The following NEMP1 variants were observed in gnomAD, a reference collection of about 807,000 sequenced individuals.
NEMP1 encodes the protein nuclear envelope integral membrane protein 1.
Under a neutral mutation model 53.7 loss-of-function variants are expected in NEMP1, and 29 were observed. The ratio of observed to expected loss-of-function variants is 0.54; its 90% CI spans 0.40 to 0.74. The LOEUF is 0.74. Ranked by LOEUF, NEMP1 falls within the 30% of genes least tolerant of loss-of-function variation. The probability of loss-of-function intolerance (pLI) is 0.00; values close to 1 mark genes in which losing one functional copy is unlikely to be tolerated. For missense variants in NEMP1, 477 were observed against 528.6 expected (o/e 0.90, Z 0.96); for synonymous variants, 193 against 192.9 (o/e 1.00, Z 0.00).
At chr12:57,081,767 C>T (rs1384390196), upstream of NEMP1, among the ~76,000 whole-genome samples, 6 of 147,838 alleles carry the variant, frequency 4.1e-5, no homozygotes, top group South Asian at 4.3e-4. Flanking sequence ...ATTAGTCGGG[C>T]GTGGTGGCAG....
upstream of NEMP1, among the ~76,000 whole-genome samples, chr12:57,082,031 C>A (rs1358269648): frequency 6.7e-5 from 10 of 149,970 alleles, no homozygotes; most frequent in South Asian, 2.1e-4. Context: ...AGCCTGGCCA[C>A]CATAGTGAAA....
chr12:57,075,960 C>T (rs1438332171), intron 1 of NEMP1, among the ~76,000 whole-genome samples: 3 of 151,940 alleles, frequency 2.0e-5, no homozygotes, highest in African/African-American at 7.3e-5. Context: ...AAAAATTACC[C>T]GGGCATGGTG....
At chr12:57,079,695 T>C (rs1342059030), upstream of NEMP1, among the ~76,000 whole-genome samples, 2 of 152,164 alleles carry the variant, frequency 1.3e-5, no homozygotes, top group Admixed American at 6.5e-5. Flanking sequence ...CTACAGATGA[T>C]AGAGCCAAAT....
intron 1 of NEMP1, among the ~76,000 whole-genome samples, chr12:57,073,561 T>C (rs1047697526): frequency 6.6e-6 from 1 of 152,036 alleles, no homozygotes; most frequent in Non-Finnish European, 1.5e-5. Flanking sequence ...GGAGAATCAC[T>C]TGAACTTGGG....
chr12:57,069,270 C>T lies in NEMP1; in HGVS notation c.509G>A (p.Gly170Glu). ...DPKLFLVFLL[G>E]LMLFFCGDLL... ...GTCTCCACAAAAAAATAGCATAAGT[C>T]CAAGAAGGAAAACAAGAAAGAGTTT... The change falls in exon 4 of 9, where the codon GGA (glycine) becomes GAA (glutamate). Residue 170 changes from glycine (G) to glutamate (E), a missense_variant. Transcript: ENST00000300128. 6.5e-7 allele frequency: 1 copy of T among 1,546,340 alleles called. No individual in the cohort carries two copies. The highest frequency in any genetic ancestry group is 8.7e-7 in the Non-Finnish European group (1 of 1,145,694).
At chr12:57,063,039 T>A in intron 7 of NEMP1, 80 bp downstream of exon 7, 1 of 1,115,724 alleles carries the variant, frequency 9.0e-7, no homozygotes, top group South Asian at 1.4e-5. Context: ...AGCTCCCAGG[T>A]CAACACCTCT....
chr12:57,081,470 C>T (rs769221536), upstream of NEMP1, among the ~76,000 whole-genome samples: 1 of 151,882 alleles, frequency 6.6e-6, no homozygotes, highest in African/African-American at 2.4e-5. Flanking sequence ...CTTGAACTCC[C>T]GACCTCAGGT....
At chr12:57,063,046 C>T in intron 7 of NEMP1, 73 bp downstream of exon 7, 1 of 1,216,912 alleles carries the variant, frequency 8.2e-7, no homozygotes, top group South Asian at 1.3e-5. Flanking sequence ...AGGTCAACAC[C>T]TCTGTATCCT....
chr12:57,082,413 T>C (rs1465859411), upstream of NEMP1, among the ~76,000 whole-genome samples: 1 of 152,160 alleles, frequency 6.6e-6, no homozygotes, highest in Admixed American at 6.5e-5. Flanking sequence ...GTACATGTAA[T>C]GTTTCTAAAA....
intron 4 of NEMP1, among the ~76,000 whole-genome samples, chr12:57,065,869 G>A (rs763693776): frequency 2.0e-5 from 3 of 152,058 alleles, no homozygotes; most frequent in Non-Finnish European, 2.9e-5. Context: ...TTCACTAGCT[G>A]TAAACTTTTC....
At chr12:57,087,235 A>C in intron 1 of NEMP1, among the ~76,000 whole-genome samples, 1 of 149,544 alleles carries the variant, frequency 6.7e-6, no homozygotes, top group African/African-American at 2.5e-5. Context: ...CTCACGCCCT[A>C]CTCCGCCTCC....
At chr12:57,077,435 T>C (rs1592519184) in intron 1 of NEMP1, among the ~76,000 whole-genome samples, 1 of 149,474 alleles carries the variant, frequency 6.7e-6, no homozygotes, top group South Asian at 2.1e-4. Flanking sequence ...GAGGCGGAGG[T>C]TGCAGTGAGC....
chr12:57,066,826 A>AT (rs2032102592), intron 4 of NEMP1, among the ~76,000 whole-genome samples: 1 of 152,024 alleles, frequency 6.6e-6, no homozygotes, highest in Non-Finnish European at 1.5e-5. Context: ...ATGGTAGTGA[A>AT]TAAGTCTCAT....
chr12:57,079,632 GT>G (rs1267072909), upstream of NEMP1, among the ~76,000 whole-genome samples: 1 of 152,158 alleles, frequency 6.6e-6, no homozygotes, highest in African/African-American at 2.4e-5. Flanking sequence ...GAAACTGTTA[GT>G]AGAAATTGAA....
rs753934391 is a variant in NEMP1 at position 57,064,034 on chromosome 12, A to G, written c.754+37T>C. 120 of 1,285,354 alleles carry G rather than the reference A, an allele frequency of 9.3e-5. No individual in the cohort carries two copies. In the South Asian group the frequency reaches 1.4e-3, roughly 15 times the overall value. 79.6% of individuals were successfully genotyped at this position (1,285,354 alleles called of 1,614,324 possible). A position where few individuals can be genotyped will look rare whatever the true frequency, so the allele number is the denominator to read the frequency against. ...GATCAAATTAACTGAAACAGCCTAT[A>G]AACGTACAAAAGGAAAGCAAAACCG... On this transcript the variant is annotated intron_variant, in intron 6 of 8. Coordinates refer to ENST00000300128, the MANE Select transcript of NEMP1 (RefSeq NM_001130963.2).
At chr12:57,072,198 G>C (rs976226966) in intron 2 of NEMP1, among the ~76,000 whole-genome samples, 20 of 152,316 alleles carry the variant, frequency 1.3e-4, no homozygotes, top group African/African-American at 4.8e-4. Flanking sequence ...AACACCTTGG[G>C]AGGCCAAGGT....
At position 57,058,259 on chromosome 12, in the gene NEMP1, TG is replaced by T. The variant is rs1216169006; in HGVS notation, c.*1619del. ...GAGGGCAGTCTCAGAGCTGACCCTT[TG>T]GAAGTCTGCAATGGAGCTAGGCCTT... On this transcript the variant is annotated 3_prime_UTR_variant, in exon 9 of 9. Coordinates refer to ENST00000300128, the MANE Select transcript of NEMP1 (RefSeq NM_001130963.2). 6.6e-6 allele frequency: 1 copy of T among 152,240 alleles called. No homozygotes were observed. Among genetic ancestry groups the T allele is most frequent in the Non-Finnish European group, 1.5e-5 (1 of 68,042 alleles). 9.4% of individuals were successfully genotyped at this position (152,240 alleles called of 1,614,324 possible).
rs578261083 is a variant in NEMP1, at chr12:57,067,258, A to G, written c.545+1976T>C. 1.6e-4 allele frequency among the ~76,000 whole-genome samples: 25 copies of G among 151,764 alleles called. No homozygotes were observed. In the East Asian group the frequency reaches 3.1e-3, roughly 19 times the overall value. ...AGAATGGCATGAACCCGGAAGGTGGAGCTTGCAGTGAGCCGAGATCGCGTC... is the reference window on the plus strand; with the variant it reads ...AGAATGGCATGAACCCGGAAGGTGGGGCTTGCAGTGAGCCGAGATCGCGTC... On this transcript the variant is annotated intron_variant, in intron 4 of 8. Transcript: ENST00000300128.
chr12:57,074,942 C>T (rs1418260019), intron 1 of NEMP1, among the ~76,000 whole-genome samples: 2 of 151,786 alleles, frequency 1.3e-5, no homozygotes, highest in African/African-American at 2.4e-5. Flanking sequence ...ACAAAAAAAT[C>T]AGCTGGGCAT....
Sources: gnomAD v4.1 joint callset for allele counts (sites outside exome capture counted in the v4.1 genomes callset) on GRCh38, gnomAD v4.1.1 for gene constraint, MANE v1.5 for transcripts, NCBI Gene and HGNC (gene_info 2026-07-23, HGNC 2026-07-21) for gene names.